The following TANC2 variants were observed in gnomAD, a reference collection of about 807,000 sequenced individuals.
TANC2 encodes the protein tetratricopeptide repeat, ankyrin repeat and coiled-coil containing 2.
In TANC2, 26 loss-of-function variants were observed where a neutral mutation model predicts 210.5. The observed-to-expected ratio is 0.12, with a 90% CI of 0.09 to 0.17. The LOEUF (loss-of-function observed/expected upper bound fraction) is 0.17. TANC2 is among the 10% of genes least tolerant of loss of function. The pLI is 1.00. For missense variants in TANC2, 2,129 were observed against 2,608.9 expected (o/e 0.82, Z 4.01); for synonymous variants, 931 against 967.1 (o/e 0.96, Z 0.69).
intron 9 of TANC2, among the ~76,000 whole-genome samples, chr17:63,284,931 A>G (rs2044175194): frequency 6.6e-6 from 1 of 151,970 alleles, no homozygotes; most frequent in East Asian, 1.9e-4. Context: ...TGTATTTAGG[A>G]CTGTTATGTA....
At chr17:63,151,037 T>G (rs1167736895) in intron 4 of TANC2, 1 of 152,058 alleles carries the variant, frequency 6.6e-6, no homozygotes, top group Non-Finnish European at 1.5e-5. Context: ...CAGTTAGTTT[T>G]TTTTTTTTTT....
At chr17:63,342,014 A>G (rs1407328928) in intron 12 of TANC2, among the ~76,000 whole-genome samples, 2 of 152,052 alleles carry the variant, frequency 1.3e-5, no homozygotes, top group Non-Finnish European at 2.9e-5. Flanking sequence ...TTCCTTCTTG[A>G]TATACCTTCT....
At chr17:63,138,331 A>C (rs574497825) in intron 4 of TANC2, among the ~76,000 whole-genome samples, 1 of 152,300 alleles carries the variant, frequency 6.6e-6, no homozygotes, top group African/African-American at 2.4e-5. Flanking sequence ...GCCTACCCTA[A>C]TACGAGGAGA....
intron 24 of TANC2, 156 bp from the exon 25 acceptor site, chr17:63,413,387 T>A (rs749403998): frequency 5.6e-5 from 30 of 537,002 alleles, no homozygotes; most frequent in Non-Finnish European, 9.3e-5. Context: ...GCAGTGGGAG[T>A]TACTAAAATA....
chr17:63,384,614 C>T (rs1376402331), intron 15 of TANC2, among the ~76,000 whole-genome samples: 2 of 152,126 alleles, frequency 1.3e-5, no homozygotes, highest in Non-Finnish European at 2.9e-5. Context: ...TCTCCTCCCT[C>T]CCCAGTGATA....
intron 4 of TANC2, among the ~76,000 whole-genome samples, chr17:63,119,937 C>A (rs1339734201): frequency 1.3e-5 from 2 of 151,882 alleles, no homozygotes; most frequent in African/African-American, 4.8e-5. Flanking sequence ...GGAGAATCAC[C>A]TAAGCCTGGG....
At chr17:63,204,584 C>T (rs571513219) in intron 7 of TANC2, among the ~76,000 whole-genome samples, 3 of 150,982 alleles carry the variant, frequency 2.0e-5, no homozygotes, top group South Asian at 2.1e-4. Flanking sequence ...GAAAACCTAG[C>T]GACACTCTGT....
intron 9 of TANC2, among the ~76,000 whole-genome samples, chr17:63,280,117 C>T (rs1179752973): frequency 6.6e-6 from 1 of 152,038 alleles, no homozygotes; most frequent in African/African-American, 2.4e-5. Context: ...TCATCCAAGT[C>T]CTTTGTTTCA....
intron 5 of TANC2, among the ~76,000 whole-genome samples, chr17:63,165,189 G>A (rs1039293844): frequency 2.6e-5 from 4 of 151,938 alleles, no homozygotes; most frequent in African/African-American, 4.8e-5. Flanking sequence ...CAGGAGGAAC[G>A]CTTCAGCCCA....
At chr17:63,191,664 C>T (rs961991972) in intron 5 of TANC2, among the ~76,000 whole-genome samples, 4 of 151,792 alleles carry the variant, frequency 2.6e-5, no homozygotes, top group Admixed American at 6.6e-5. Context: ...GGTTTCACCA[C>T]GTTGCCCAGG....
intron 3 of TANC2, among the ~76,000 whole-genome samples, chr17:63,076,288 A>C (rs1235833593): frequency 6.6e-6 from 1 of 152,200 alleles, no homozygotes; most frequent in Non-Finnish European, 1.5e-5. Flanking sequence ...AGTTGAGGGC[A>C]GAAGTCCCAT....
At chr17:63,066,097 TG>T (rs898533604) in intron 2 of TANC2, among the ~76,000 whole-genome samples, 15 of 152,194 alleles carry the variant, frequency 9.9e-5, no homozygotes, top group African/African-American at 3.6e-4. Context: ...CAGGGTCTAT[TG>T]GGATGGGCCT....
chr17:63,119,458 G>A (rs2038377854), intron 4 of TANC2, among the ~76,000 whole-genome samples: 1 of 152,182 alleles, frequency 6.6e-6, no homozygotes, highest in Non-Finnish European at 1.5e-5. Flanking sequence ...AAGGGATAAT[G>A]AAAGGGTTAA....
intron 22 of TANC2, 102 bp downstream of exon 22, chr17:63,411,788 T>A: frequency 6.8e-7 from 1 of 1,460,352 alleles, no homozygotes; most frequent in Non-Finnish European, 9.2e-7. Context: ...TGATTCCTGA[T>A]ACAGAGCTCT....
chr17:63,219,584 G>T (rs2042114225), intron 7 of TANC2, among the ~76,000 whole-genome samples: 1 of 152,052 alleles, frequency 6.6e-6, no homozygotes, highest in Admixed American at 6.6e-5. Context: ...CTAATTTTTT[G>T]TATTTTTAGT....
At chr17:63,417,163 C>G (rs540462994) in intron 26 of TANC2, among the ~76,000 whole-genome samples, 69 of 152,288 alleles carry the variant, frequency 4.5e-4, no homozygotes, top group African/African-American at 1.6e-3. Flanking sequence ...ACCTCCTGGG[C>G]CAATACTGTG....
intron 17 of TANC2, chr17:63,391,006 C>T (rs2047953631): frequency 6.6e-6 from 1 of 152,192 alleles, no homozygotes; most frequent in Admixed American, 6.5e-5. Flanking sequence ...GTACGCTCAC[C>T]TCTACTTTGC....
intron 2 of TANC2, among the ~76,000 whole-genome samples, chr17:63,046,427 AT>A (rs2035387650): frequency 7.3e-6 from 1 of 136,248 alleles, no homozygotes; most frequent in Non-Finnish European, 1.5e-5. Flanking sequence ...CACCTCCCGG[AT>A]TCAAGTGATT....
At chr17:63,278,171 G>C (rs1347159844) in intron 9 of TANC2, among the ~76,000 whole-genome samples, 3 of 152,056 alleles carry the variant, frequency 2.0e-5, no homozygotes, top group African/African-American at 7.2e-5. Flanking sequence ...GAAGGATAAG[G>C]AGAAGCAACA....
Sources: gnomAD v4.1 joint callset for allele counts (sites outside exome capture counted in the v4.1 genomes callset) on GRCh38, gnomAD v4.1.1 for gene constraint, MANE v1.5 for transcripts, NCBI Gene and HGNC (gene_info 2026-07-23, HGNC 2026-07-21) for gene names.